GCA: variants seen among roughly 807,000 people sequenced by gnomAD.
GCA encodes grancalcin.
In GCA, 30 loss-of-function variants were observed where a neutral mutation model predicts 32.6. The ratio of observed to expected loss-of-function variants is 0.92; its 90% CI spans 0.69 to 1.25. The LOEUF is 1.25. Among genes scored for constraint, GCA ranks in the 50% most tolerant of loss-of-function variants. The probability of loss-of-function intolerance (pLI) is 0.00; values close to 1 mark genes in which losing one functional copy is unlikely to be tolerated. For synonymous variants in GCA, 102 were observed against 84.6 expected, an observed-to-expected ratio of 1.21 and a Z score of -1.13; for missense variants, 291 against 266.8, an observed-to-expected ratio of 1.09 and a Z score of -0.63.
rs1411146580 is a variant in GCA at position 162,361,440 on chromosome 2, T to G, written c.*1197T>G. Reference sequence around the variant, plus strand: ...TCTTATGCTTTAAATGTGTATTTTCTAACCTAACAGTGAGTGACATAATTT... The same window carrying G: ...TCTTATGCTTTAAATGTGTATTTTCGAACCTAACAGTGAGTGACATAATTT... On this transcript the variant is annotated 3_prime_UTR_variant, in exon 8 of 8. Transcript: ENST00000437150. 2.0e-6 allele frequency: 2 copies of G among 978,208 alleles called. No individual in the cohort carries two copies. Among genetic ancestry groups the G allele is most frequent in the Admixed American group, 1.2e-4 (2 of 16,116 alleles). 60.6% of individuals were successfully genotyped at this position (978,208 alleles called of 1,614,324 possible).
At chr2:162,374,271 T>C (rs1686081277), downstream of GCA, among the ~76,000 whole-genome samples, 1 of 152,216 alleles carries the variant, frequency 6.6e-6, no homozygotes, top group Non-Finnish European at 1.5e-5. Flanking sequence ...CAGACCAAAC[T>C]TGACTTCACT....
downstream of GCA, among the ~76,000 whole-genome samples, chr2:162,363,951 A>G (rs1157256775): frequency 1.3e-5 from 2 of 151,430 alleles, no homozygotes; most frequent in Non-Finnish European, 3.0e-5. Context: ...GAAAATGAGG[A>G]AGCTGTTTCC....
chr2:162,355,229 C>T (rs561148843), intron 3 of GCA, among the ~76,000 whole-genome samples: 30 of 152,164 alleles, frequency 2.0e-4, no homozygotes, highest in South Asian at 8.3e-4. Flanking sequence ...TATGTGAAAT[C>T]ATGTAACACA....
rs989053646 is a variant in GCA, at chr2:162,371,270, A to G, written c.366-36A>G. On this transcript the variant is annotated intron_variant, in intron 4 of 4. Transcript: ENST00000414723. ...TGGATATGGCTTCCTATACTGTCAG[A>G]GGTTTACAACTCAAACTTTGTATTT... 10 of 1,125,986 alleles carry G rather than the reference A, an allele frequency of 8.9e-6. No homozygotes were observed. The Admixed American group carries it at 9.2e-5, about 10-fold the overall frequency. 69.7% of individuals were successfully genotyped at this position (1,125,986 alleles called of 1,614,324 possible). A position where few individuals can be genotyped will look rare whatever the true frequency, so the allele number is the denominator to read the frequency against.
intron 4 of GCA, 68 bp downstream of exon 4, chr2:162,356,549 G>C (rs1685279060): frequency 9.6e-7 from 1 of 1,042,116 alleles, no homozygotes; most frequent in Non-Finnish European, 1.5e-6. Context: ...CAAGCCAGTG[G>C]TTAGATTTCA....
upstream of GCA, among the ~76,000 whole-genome samples, chr2:162,339,937 C>T (rs546819755): frequency 3.3e-5 from 5 of 152,162 alleles, no homozygotes; most frequent in Non-Finnish European, 7.4e-5. Flanking sequence ...ATTTAGAAGT[C>T]GTCAGAATTA....
At chr2:162,351,402 C>T (rs939075269) in intron 2 of GCA, among the ~76,000 whole-genome samples, 2 of 152,180 alleles carry the variant, frequency 1.3e-5, no homozygotes, top group African/African-American at 4.8e-5. Context: ...CTACCTGATG[C>T]TCTTGTAATT....
chr2:162,333,995 C>A (rs755094279), intron 1 of GCA, among the ~76,000 whole-genome samples: 24 of 152,174 alleles, frequency 1.6e-4, no homozygotes, highest in Non-Finnish European at 3.2e-4. Flanking sequence ...TCCCTGGAAC[C>A]TTGATGATAT....
intron 7 of GCA, 58 bp from the exon 8 acceptor site, chr2:162,360,159 C>A (rs1685501329): frequency 9.3e-7 from 1 of 1,080,098 alleles, no homozygotes; most frequent in South Asian, 1.4e-5. Context: ...TATAATTAGT[C>A]AAAAATAATT....
intron 1 of GCA, among the ~76,000 whole-genome samples, chr2:162,325,391 G>A (rs1558883317): frequency 1.3e-5 from 2 of 152,082 alleles, no homozygotes; most frequent in Admixed American, 6.6e-5. Context: ...TGCTCCTGGG[G>A]CCCATTTCTG....
upstream of GCA, chr2:162,318,965 A>G (rs1210351904): frequency 2.9e-6 from 1 of 341,456 alleles, no homozygotes. Context: ...TGCAGGGCAT[A>G]AAAGCATGTG....
At chr2:162,328,013 G>C (rs141287457) in intron 1 of GCA, among the ~76,000 whole-genome samples, 2 of 152,060 alleles carry the variant, frequency 1.3e-5, no homozygotes, top group Non-Finnish European at 2.9e-5. Flanking sequence ...CCACTTTGGC[G>C]GCACTTGAGG....
chr2:162,349,842 C>T (rs1684902121), intron 2 of GCA, among the ~76,000 whole-genome samples: 1 of 152,068 alleles, frequency 6.6e-6, no homozygotes, highest in Non-Finnish European at 1.5e-5. Flanking sequence ...AGCTGTAGTC[C>T]ATATCTCTTT....
chr2:162,367,288 A>G (rs1685781719), downstream of GCA, among the ~76,000 whole-genome samples: 1 of 151,962 alleles, frequency 6.6e-6, no homozygotes, highest in African/African-American at 2.4e-5. Flanking sequence ...CTGTGCAATG[A>G]GAGAGTGGCC....
At chr2:162,353,166 T>C (rs1198644332) in intron 3 of GCA, among the ~76,000 whole-genome samples, 1 of 151,642 alleles carries the variant, frequency 6.6e-6, no homozygotes, top group African/African-American at 2.4e-5. Flanking sequence ...TTAAGCAGCT[T>C]CTTAATATAA....
At chr2:162,344,424 C>A in intron 1 of GCA, 149 bp downstream of exon 1, 1 of 732,638 alleles carries the variant, frequency 1.4e-6, no homozygotes. Flanking sequence ...CTGTTGGGGG[C>A]CAGGGCCTGG....
In GCA at chr2:162,347,640, C is replaced by G. The variant is rs199698433; in HGVS notation, c.90C>G (p.Gly30=). The change falls in exon 2 of 8, where the codon GGC becomes GGG. Residue 30 remains glycine, a synonymous_variant. Coordinates refer to ENST00000437150, the MANE Select transcript of GCA (RefSeq NM_012198.5). ...TGGGACAGCCAGTGCCAGAAACAGG[C>G]CCAGCTATACTCCTCGATGGATACT... ...MQMGQPVPET[G]PAILLDGYSG... 1.2e-6 allele frequency: 2 copies of G among 1,609,992 alleles called. No homozygotes were observed. Among genetic ancestry groups the G allele is most frequent in the Non-Finnish European group, 1.7e-6 (2 of 1,177,078 alleles).
Position 162,362,101 on chromosome 2 carries a change from T to TAG in GCA, c.*1858_*1859insAG. On this transcript the variant is annotated 3_prime_UTR_variant, in exon 8 of 8. Transcript: ENST00000437150. ...TCTTATGACTTTTGGTCATAGAAGG[T>TAG]CTATGAAGGAGCTTCCATGGCCAAA... 1.0e-6 allele frequency: 1 copy of TAG among 984,336 alleles called. No homozygotes were observed. The highest frequency in any genetic ancestry group is 1.2e-6 in the Non-Finnish European group (1 of 829,162). 61.0% of individuals were successfully genotyped at this position (984,336 alleles called of 1,614,324 possible).
At chr2:162,325,481 G>A (rs1259804465) in intron 1 of GCA, among the ~76,000 whole-genome samples, 1 of 152,176 alleles carries the variant, frequency 6.6e-6, no homozygotes, top group East Asian at 1.9e-4. Context: ...TGAATCAGGA[G>A]ATAGAGAGGT....
Sources: gnomAD v4.1 joint callset for allele counts (sites outside exome capture counted in the v4.1 genomes callset) on GRCh38, gnomAD v4.1.1 for gene constraint, MANE v1.5 for transcripts, NCBI Gene and HGNC (gene_info 2026-07-23, HGNC 2026-07-21) for gene names.